SCN2A: variants seen among roughly 807,000 people sequenced by gnomAD.
The protein encoded by SCN2A is sodium channel protein type 2 subunit alpha.
In SCN2A, 20 loss-of-function variants were observed where a neutral mutation model predicts 188.7. That is an observed-to-expected ratio of 0.11 (90% CI 0.07 to 0.15). The LOEUF is 0.15. SCN2A is among the 10% of genes least tolerant of loss of function. The pLI, the probability that SCN2A is intolerant of heterozygous loss-of-function variation, is 1.00. For synonymous variants in SCN2A, 804 were observed against 833.1 expected (o/e 0.97, Z 0.60); for missense variants, 1,278 against 2,445.0 (o/e 0.52, Z 10.07).
At chr2:165,285,660 A>ATTG (rs756187968) in intron 1 of SCN2A, 39 of 249,376 alleles carry the variant, frequency 1.6e-4, no homozygotes, top group Non-Finnish European at 2.8e-4. Context: ...GGCTCCCTCT[A>ATTG]TTGTTGCTCC....
rs1303308968 is a variant in SCN2A at position 165,391,018 on chromosome 2, T to C, written c.*1194T>C. ...CATCAAATATGTACCACAGTAAGTATAGTTTGCAAGCTTTCAACAGGTAAT... is the reference window on the plus strand; with the variant it reads ...CATCAAATATGTACCACAGTAAGTACAGTTTGCAAGCTTTCAACAGGTAAT... On this transcript the variant is annotated 3_prime_UTR_variant, in exon 27 of 27. Coordinates refer to ENST00000375437, the MANE Select transcript of SCN2A (RefSeq NM_001040142.2). 1 of 152,580 alleles carries C rather than the reference T, an allele frequency of 6.6e-6. No individual in the cohort carries two copies. Among genetic ancestry groups the C allele is most frequent in the Admixed American group, 6.6e-5 (1 of 15,266 alleles). 9.5% of individuals were successfully genotyped at this position (152,580 alleles called of 1,614,324 possible).
intron 16 of SCN2A, among the ~76,000 whole-genome samples, chr2:165,351,065 C>G (rs575909336): frequency 6.6e-6 from 1 of 152,212 alleles, no homozygotes; most frequent in Non-Finnish European, 1.5e-5. Flanking sequence ...ACTAGAAAAA[C>G]GATTACATTT....
At chr2:165,369,396 A>C (rs543238785) in intron 19 of SCN2A, among the ~76,000 whole-genome samples, 3 of 152,200 alleles carry the variant, frequency 2.0e-5, no homozygotes, top group Non-Finnish European at 4.4e-5. Context: ...AGCTTCAGCT[A>C]TAAGCAAAGC....
chr2:165,383,542 C>T (rs967082699), intron 25 of SCN2A, among the ~76,000 whole-genome samples: 3 of 152,068 alleles, frequency 2.0e-5, no homozygotes, highest in Admixed American at 1.3e-4. Flanking sequence ...AAACCGTTAA[C>T]GTGGACCCAG....
chr2:165,327,397 G>A (rs1173651234), intron 13 of SCN2A: 3 of 199,008 alleles, frequency 1.5e-5, no homozygotes, highest in South Asian at 8.3e-5. Flanking sequence ...TGTGAATTAG[G>A]GTTTGATATT....
chr2:165,302,101 T>C (rs954174866), intron 3 of SCN2A, among the ~76,000 whole-genome samples: 1 of 152,212 alleles, frequency 6.6e-6, no homozygotes, highest in Non-Finnish European at 1.5e-5. Context: ...ATTCATTAAA[T>C]AGTGTCCATA....
At chr2:165,345,999 T>C (rs929945200) in intron 16 of SCN2A, among the ~76,000 whole-genome samples, 3 of 152,230 alleles carry the variant, frequency 2.0e-5, no homozygotes, top group African/African-American at 7.2e-5. Flanking sequence ...AAATTCTGGG[T>C]TGAAAATTCT....
chr2:165,350,464 C>CTTTTTTTTT (rs71028479), intron 16 of SCN2A, among the ~76,000 whole-genome samples: 6 of 73,842 alleles, frequency 8.1e-5, no homozygotes, highest in African/African-American at 1.8e-4. Context: ...TGTTTTCTTT[C>CTTTTTTTTT]TTTTTTTTTT....
At chr2:165,373,130 G>T in intron 20 of SCN2A, 95 bp from the exon 21 acceptor site, 1 of 1,369,914 alleles carries the variant, frequency 7.3e-7, no homozygotes, top group Non-Finnish European at 1.0e-6. Context: ...ACTCATGAAA[G>T]TTCGAGAATT....
chr2:165,365,745 C>G (rs1392955616), intron 18 of SCN2A, among the ~76,000 whole-genome samples: 1 of 151,924 alleles, frequency 6.6e-6, no homozygotes, highest in Non-Finnish European at 1.5e-5. Flanking sequence ...TGAAACAGCT[C>G]CTATTTCAGT....
chr2:165,260,353 C>CT (rs1694530106), intron 1 of SCN2A, among the ~76,000 whole-genome samples: 1 of 152,152 alleles, frequency 6.6e-6, no homozygotes, highest in African/African-American at 2.4e-5. Flanking sequence ...TCTTGAGTGA[C>CT]TAGGTGCATT....
At chr2:165,335,356 A>C (rs192446276) in intron 14 of SCN2A, among the ~76,000 whole-genome samples, 10 of 151,932 alleles carry the variant, frequency 6.6e-5, no homozygotes, top group Admixed American at 6.6e-4. Flanking sequence ...TTTAAAACTT[A>C]CTACAAAGCA....
chr2:165,366,678 A>G (rs1485140742), intron 18 of SCN2A, among the ~76,000 whole-genome samples: 2 of 143,818 alleles, frequency 1.4e-5, no homozygotes, highest in African/African-American at 2.6e-5. Flanking sequence ...AGGTCAGGCC[A>G]CTGCACTCCA....
chr2:165,387,675 T>G (rs866512467), intron 26 of SCN2A, among the ~76,000 whole-genome samples: 104 of 152,220 alleles, frequency 6.8e-4, no homozygotes, highest in African/African-American at 2.3e-3. Flanking sequence ...TGTTTATGTA[T>G]AAGATATTAA....
chr2:165,317,480 A>C (rs1030451289), intron 11 of SCN2A, among the ~76,000 whole-genome samples: 37 of 151,976 alleles, frequency 2.4e-4, no homozygotes, highest in African/African-American at 8.4e-4. Context: ...AAGTTGTCTA[A>C]GTTTTGGCCA....
In SCN2A at chr2:165,357,828, C is replaced by T. The variant is rs117492345; in HGVS notation, c.3399+3157C>T. 1.5e-3 allele frequency among the ~76,000 whole-genome samples: 222 copies of T among 152,228 alleles called. 5 individuals carry two copies. In the East Asian group the frequency reaches 0.041, roughly 28 times the overall value. On this transcript the variant is annotated intron_variant, in intron 17 of 26. Coordinates refer to ENST00000375437, the MANE Select transcript of SCN2A (RefSeq NM_001040142.2). ...TGCAGCTCTGGTGTTTTTTAACCAG[C>T]CAGAGGCTCGTGCCACCACTTTTAC...
At chr2:165,387,691 G>A (rs749806542) in intron 26 of SCN2A, among the ~76,000 whole-genome samples, 2 of 152,040 alleles carry the variant, frequency 1.3e-5, no homozygotes, top group Non-Finnish European at 2.9e-5. Context: ...ATTAAATGAG[G>A]TACTGGAAGT....
At chr2:165,359,427 C>T (rs763427505) in intron 17 of SCN2A, among the ~76,000 whole-genome samples, 1 of 151,956 alleles carries the variant, frequency 6.6e-6, no homozygotes, top group Non-Finnish European at 1.5e-5. Flanking sequence ...GGCATATTAT[C>T]CATCAACGTA....
chr2:165,273,442 G>T (rs960788173), intron 1 of SCN2A: 1 of 152,114 alleles, frequency 6.6e-6, no homozygotes, highest in Admixed American at 6.6e-5. Context: ...ATTGGTTATA[G>T]TGCCAACACA....
Sources: allele counts gnomAD v4.1 joint callset (sites outside exome capture counted in the v4.1 genomes callset), GRCh38; gene constraint gnomAD v4.1.1; transcripts MANE v1.5; gene names NCBI Gene and HGNC (gene_info 2026-07-23, HGNC 2026-07-21).